The following WDR25 variants were observed in gnomAD, a reference collection of about 807,000 sequenced individuals.
WDR25 encodes the protein WD repeat domain 25, also known as WD repeat-containing protein 25.
WDR25 carries 35 observed loss-of-function variants against 47.7 expected under a neutral mutation model. That is an observed-to-expected ratio of 0.73 (90% CI 0.56 to 0.97). WDR25 has a LOEUF of 0.97. Among genes scored for constraint, WDR25 ranks in the 50% least tolerant of loss-of-function variants. WDR25 has a pLI of 0.00. For synonymous variants in WDR25, 248 were observed against 278.9 expected, an observed-to-expected ratio of 0.89 and a Z score of 1.10; for missense variants, 634 against 704.7, an observed-to-expected ratio of 0.90 and a Z score of 1.14.
rs2030376174 is a variant in WDR25 at position 100,529,621 on chromosome 14, A to C, written c.1414-199A>C. On this transcript the variant is annotated intron_variant, in intron 6 of 6. Transcript: ENST00000402312. This position sits in a 1 kb window ranked among gnomAD's most constrained non-coding sequence, Gnocchi z 5.1. ...GAGCTGGTCCCGCTGGATCTGCTGAACTGGCCTTGGGATGTGGGCCCGCAT... is the reference window on the plus strand; with the variant it reads ...GAGCTGGTCCCGCTGGATCTGCTGACCTGGCCTTGGGATGTGGGCCCGCAT... The C allele has an allele frequency of 4.7e-6, 3 of 638,566 alleles. No individual in the cohort carries two copies. The highest frequency in any genetic ancestry group is 5.9e-5 in the Admixed American group (2 of 33,782). The allele number at this position is 638,566 out of a possible 1,614,324, so 39.6% of individuals were successfully genotyped here. A position where few individuals can be genotyped will look rare whatever the true frequency, so the allele number is the denominator to read the frequency against.
intron 5 of WDR25, among the ~76,000 whole-genome samples, chr14:100,527,986 G>A (rs779990580): frequency 6.6e-5 from 10 of 151,390 alleles, no homozygotes; most frequent in African/African-American, 9.7e-5. Flanking sequence ...CCTGTGTTTT[G>A]AGGTTTGTGC....
intron 4 of WDR25, among the ~76,000 whole-genome samples, chr14:100,489,355 G>A (rs191833492): frequency 2.0e-5 from 3 of 152,312 alleles, no homozygotes; most frequent in South Asian, 2.1e-4. Context: ...CCTGTGACAC[G>A]GACTCAGCTG....
rs201422457 is a variant in WDR25, at chr14:100,381,568, C to T, written c.644C>T (p.Pro215Leu). Reference protein sequence around the residue: ...GRAPAPLYVGPGVSEFIQPYL... With the variant: ...GRAPAPLYVGLGVSEFIQPYL... ...GCCCCAGCCCCTCTCTACGTGGGCC[C>T]GGGAGTGTCTGAGTTTATTCAGCCA... The change falls in exon 2 of 7, where the codon CCG (proline) becomes CTG (leucine). Residue 215 changes from proline (P) to leucine (L), a missense_variant. Physicochemically the swap from Pro to Leu is moderately conservative, Grantham distance 98. Transcript: ENST00000402312. 37 of 1,609,498 alleles carry T rather than the reference C, an allele frequency of 2.3e-5. No homozygotes were observed. Among genetic ancestry groups the T allele is most frequent in the Middle Eastern group, 1.6e-4 (1 of 6,066 alleles).
At chr14:100,386,851 C>T (rs1320025626) in intron 2 of WDR25, among the ~76,000 whole-genome samples, 1 of 151,970 alleles carries the variant, frequency 6.6e-6, no homozygotes, top group Admixed American at 6.6e-5. Flanking sequence ...CCAGATCGCA[C>T]CACTGCACTC....
intron 3 of WDR25, among the ~76,000 whole-genome samples, chr14:100,475,522 G>A (rs1014899444): frequency 6.6e-6 from 1 of 152,140 alleles, no homozygotes; most frequent in African/African-American, 2.4e-5. Flanking sequence ...TGGGATAAGC[G>A]AAGGCACAGA....
At chr14:100,457,635 C>G (rs998303482) in intron 2 of WDR25, among the ~76,000 whole-genome samples, 3 of 152,146 alleles carry the variant, frequency 2.0e-5, no homozygotes, top group African/African-American at 7.2e-5. Flanking sequence ...GAATAATGAG[C>G]ACTAGAAATG....
chr14:100,420,222 C>G (rs992180277), intron 2 of WDR25, among the ~76,000 whole-genome samples: 1 of 152,264 alleles, frequency 6.6e-6, no homozygotes, highest in Admixed American at 6.5e-5. Context: ...GCCCTGGCAA[C>G]CCCTTCCCCC....
chr14:100,383,293 G>A (rs1374320664), intron 2 of WDR25, among the ~76,000 whole-genome samples: 1 of 152,208 alleles, frequency 6.6e-6, no homozygotes, highest in Non-Finnish European at 1.5e-5. Flanking sequence ...TGTGAAGTGT[G>A]CGCGGAGGCT....
intron 2 of WDR25, among the ~76,000 whole-genome samples, chr14:100,456,219 C>T (rs575016118): frequency 1.4e-4 from 21 of 152,258 alleles, no homozygotes; most frequent in African/African-American, 5.1e-4. Flanking sequence ...TGGTGACATG[C>T]ACCTGTAGTC....
rs190845253 is a variant in WDR25, at chr14:100,497,971, A to T, written c.1101+13847A>T. 1.5e-4 allele frequency among the ~76,000 whole-genome samples: 23 copies of T among 152,326 alleles called. No individual in the cohort carries two copies. The East Asian group carries it at 4.4e-3, about 29-fold the overall frequency. On this transcript the variant is annotated intron_variant, in intron 4 of 6. Coordinates refer to ENST00000402312, the MANE Select transcript of WDR25 (RefSeq NM_001161476.3). ...ATCCCCAGACTGTGTGTGTGCTGGCATCTGGTCAGCAGTTCATTCACTGTT... is the reference window on the plus strand; with the variant it reads ...ATCCCCAGACTGTGTGTGTGCTGGCTTCTGGTCAGCAGTTCATTCACTGTT...
chr14:100,454,519 A>G lies in WDR25; in HGVS notation c.823-13502A>G, dbSNP rs559100245. On this transcript the variant is annotated intron_variant, in intron 2 of 6. Transcript: ENST00000402312. ...ACAGCTAACAACTATAAACTGTACA[A>G]CAGCAACAACAACAAAACTACCTGA... 1.2e-4 allele frequency: 136 copies of G among 1,124,680 alleles called. No homozygotes were observed. The African/African-American group carries it at 1.9e-3, about 16-fold the overall frequency. 69.7% of individuals were successfully genotyped at this position (1,124,680 alleles called of 1,614,324 possible). A position where few individuals can be genotyped will look rare whatever the true frequency, so the allele number is the denominator to read the frequency against.
chr14:100,472,213 C>T (rs1335688186), intron 3 of WDR25, among the ~76,000 whole-genome samples: 1 of 152,244 alleles, frequency 6.6e-6, no homozygotes, highest in Non-Finnish European at 1.5e-5. Context: ...GCCCTGGAGC[C>T]CCGGCTGGGC....
intron 2 of WDR25, among the ~76,000 whole-genome samples, chr14:100,432,950 G>A (rs1898384675): frequency 2.0e-5 from 3 of 152,204 alleles, no homozygotes. Flanking sequence ...GCTGAATACT[G>A]TAGGCAATTG....
At chr14:100,477,818 G>C (rs1349867298) in intron 3 of WDR25, among the ~76,000 whole-genome samples, 2 of 152,184 alleles carry the variant, frequency 1.3e-5, no homozygotes, top group Admixed American at 1.3e-4. Flanking sequence ...CCAGCCGGGC[G>C]CCGTGGCTCA....
chr14:100,397,569 C>T (rs889386248), intron 2 of WDR25, among the ~76,000 whole-genome samples: 9 of 152,198 alleles, frequency 5.9e-5, no homozygotes, highest in African/African-American at 2.2e-4. Flanking sequence ...TATAGCGCAG[C>T]ATCATGACTG....
At chr14:100,461,263 A>G (rs2140284565) in intron 2 of WDR25, among the ~76,000 whole-genome samples, 1 of 152,330 alleles carries the variant, frequency 6.6e-6, no homozygotes, top group South Asian at 2.1e-4. Flanking sequence ...TATTTTAAAA[A>G]GCTTCTAGTA....
chr14:100,482,888 G>A (rs1900253768), intron 3 of WDR25, among the ~76,000 whole-genome samples: 1 of 152,222 alleles, frequency 6.6e-6, no homozygotes, highest in African/African-American at 2.4e-5. Flanking sequence ...ACGGGTACAA[G>A]GCAGTCAAGG....
At chr14:100,489,564 G>T (rs1432325411) in intron 4 of WDR25, among the ~76,000 whole-genome samples, 1 of 152,166 alleles carries the variant, frequency 6.6e-6, no homozygotes, top group Non-Finnish European at 1.5e-5. Flanking sequence ...ACTACATTAT[G>T]GAACCCCAAC....
At chr14:100,399,068 T>A (rs1897319590) in intron 2 of WDR25, among the ~76,000 whole-genome samples, 1 of 150,868 alleles carries the variant, frequency 6.6e-6, no homozygotes, top group Non-Finnish European at 1.5e-5. Context: ...GATAACAGGT[T>A]TCTCATTCCT....
Sources: gnomAD v4.1 joint callset for allele counts (sites outside exome capture counted in the v4.1 genomes callset) on GRCh38, gnomAD v4.1.1 for gene constraint, Gnocchi (gnomAD v3.1) non-coding constraint, MANE v1.5 for transcripts, NCBI Gene and HGNC (gene_info 2026-07-23, HGNC 2026-07-21) for gene names.